The following PLXDC2 variants were observed in gnomAD, a reference collection of about 807,000 sequenced individuals.
PLXDC2 encodes plexin domain-containing protein 2.
Under a neutral mutation model 68.9 loss-of-function variants are expected in PLXDC2, and 40 were observed. The observed-to-expected ratio is 0.58, with a 90% CI of 0.45 to 0.76. The LOEUF (loss-of-function observed/expected upper bound fraction) is 0.76. PLXDC2 is among the 30% of genes least tolerant of loss of function. The pLI is 0.00. For missense variants in PLXDC2, 644 were observed against 661.9 expected, an observed-to-expected ratio of 0.97 and a Z score of 0.30; for synonymous variants, 243 against 234.2, an observed-to-expected ratio of 1.04 and a Z score of -0.34.
chr10:19,937,606 G>C (rs765117870), intron 1 of PLXDC2, among the ~76,000 whole-genome samples: 1 of 142,526 alleles, frequency 7.0e-6, no homozygotes, highest in Non-Finnish European at 1.5e-5. Flanking sequence ...TGAGGACAGA[G>C]GCTGTATTTT....
At chr10:20,193,997 T>C (rs1232541761) in intron 9 of PLXDC2, among the ~76,000 whole-genome samples, 1 of 152,032 alleles carries the variant, frequency 6.6e-6, no homozygotes, top group Non-Finnish European at 1.5e-5. Context: ...GTTGGCAATC[T>C]ACTTAAGGAC....
chr10:20,146,000 G>C (rs7478383), intron 5 of PLXDC2, among the ~76,000 whole-genome samples: 139,501 of 152,206 alleles, frequency 0.92, 64,043 homozygotes, highest in Non-Finnish European at 0.94. Flanking sequence ...ATGCAGGAAT[G>C]TCTTGAAGGC....
intron 1 of PLXDC2, among the ~76,000 whole-genome samples, chr10:19,885,705 T>G (rs1428645203): frequency 2.6e-5 from 4 of 151,998 alleles, no homozygotes; most frequent in Non-Finnish European, 5.9e-5. Flanking sequence ...TCTGTTCCAT[T>G]GATCTATATC....
intron 1 of PLXDC2, among the ~76,000 whole-genome samples, chr10:19,819,940 T>C (rs78334957): frequency 0.12 from 18,413 of 152,244 alleles, 1,308 homozygotes; most frequent in Non-Finnish European, 0.15. Context: ...AAAATGGACA[T>C]CTGTCATATT....
chr10:20,248,794 ATTG>A (rs767770258), intron 13 of PLXDC2, among the ~76,000 whole-genome samples: 2 of 152,204 alleles, frequency 1.3e-5, no homozygotes, highest in Non-Finnish European at 2.9e-5. Context: ...CTACATTAGA[ATTG>A]TTGTTGCATA....
At chr10:20,144,589 A>AT (rs1834048771) in intron 5 of PLXDC2, among the ~76,000 whole-genome samples, 1 of 152,118 alleles carries the variant, frequency 6.6e-6, no homozygotes, top group Non-Finnish European at 1.5e-5. Flanking sequence ...CTTCTCTTCC[A>AT]TTTTTTAAAA....
In PLXDC2 at chr10:19,834,128, G is replaced by T. The variant is rs147599764; in HGVS notation, c.112+16937G>T. Among the ~76,000 whole-genome samples the T allele has an allele frequency of 2.9e-3, 448 of 152,164 alleles. 11 individuals carry two copies. The East Asian group carries it at 0.057, about 19-fold the overall frequency. On this transcript the variant is annotated intron_variant, in intron 1 of 13. Coordinates refer to ENST00000377252, the MANE Select transcript of PLXDC2 (RefSeq NM_032812.9). ...TTAACTTACAGAGTCATTTATTTGGGTTTAGTTAATATATCTTGGAAAATG... is the reference window on the plus strand; with the variant it reads ...TTAACTTACAGAGTCATTTATTTGGTTTTAGTTAATATATCTTGGAAAATG...
At chr10:19,856,856 C>T (rs1187172579) in intron 1 of PLXDC2, among the ~76,000 whole-genome samples, 3 of 152,176 alleles carry the variant, frequency 2.0e-5, no homozygotes, top group Non-Finnish European at 2.9e-5. Context: ...GAAGATACAT[C>T]ATACCGTGGT....
intron 1 of PLXDC2, among the ~76,000 whole-genome samples, chr10:19,846,437 T>C (rs1837011659): frequency 6.6e-6 from 1 of 152,178 alleles, no homozygotes; most frequent in African/African-American, 2.4e-5. Context: ...TATGAATGAA[T>C]GACCCTTTGG....
intron 12 of PLXDC2, among the ~76,000 whole-genome samples, chr10:20,221,889 C>T (rs538907832): frequency 3.3e-5 from 5 of 152,116 alleles, no homozygotes; most frequent in Non-Finnish European, 7.4e-5. Flanking sequence ...AGAATTTCAG[C>T]ACATTTGATT....
intron 1 of PLXDC2, among the ~76,000 whole-genome samples, chr10:19,904,040 G>A (rs1400749118): frequency 2.0e-5 from 3 of 152,032 alleles, no homozygotes; most frequent in Non-Finnish European, 2.9e-5. Context: ...ACTACGATCT[G>A]GGAGAGTACC....
chr10:19,821,667 TG>T (rs1836469572), intron 1 of PLXDC2, among the ~76,000 whole-genome samples: 1 of 152,240 alleles, frequency 6.6e-6, no homozygotes, highest in African/African-American at 2.4e-5. Flanking sequence ...AATGCCACGT[TG>T]GGAGACTTTT....
At chr10:19,854,132 T>C (rs1388890307) in intron 1 of PLXDC2, among the ~76,000 whole-genome samples, 1 of 152,162 alleles carries the variant, frequency 6.6e-6, no homozygotes, top group African/African-American at 2.4e-5. Flanking sequence ...TTACATGTGC[T>C]ATCAGACTGG....
At chr10:20,046,359 G>A (rs1835799589) in intron 2 of PLXDC2, among the ~76,000 whole-genome samples, 2 of 151,746 alleles carry the variant, frequency 1.3e-5, no homozygotes, top group Non-Finnish European at 2.9e-5. Flanking sequence ...AAACTTAGAA[G>A]GAAATATATA....
Position 19,920,440 on chromosome 10 carries a change from T to C in PLXDC2, c.113-81335T>C, listed in dbSNP as rs1735798756. Among the ~76,000 whole-genome samples the C allele has an allele frequency of 2.0e-5, 3 of 152,196 alleles. No individual in the cohort carries two copies. In the South Asian group the frequency reaches 6.2e-4, roughly 31 times the overall value. ...ATGGCTGGACATCCAGAGGAGCATGTGTTCCTCCACTGAGGATGGATGGTG... is the reference window on the plus strand; with the variant it reads ...ATGGCTGGACATCCAGAGGAGCATGCGTTCCTCCACTGAGGATGGATGGTG... On this transcript the variant is annotated intron_variant, in intron 1 of 13. Transcript: ENST00000377252.
chr10:19,861,334 G>A (rs4748616), intron 1 of PLXDC2, among the ~76,000 whole-genome samples: 1 of 151,868 alleles, frequency 6.6e-6, no homozygotes. Context: ...CGAGCCCAGC[G>A]TGCTGGATAC....
intron 4 of PLXDC2, among the ~76,000 whole-genome samples, chr10:20,108,819 A>C (rs1034706194): frequency 1.3e-5 from 2 of 152,204 alleles, no homozygotes; most frequent in African/African-American, 4.8e-5. Context: ...TATTCAATGA[A>C]TATCAAGTTT....
intron 7 of PLXDC2, among the ~76,000 whole-genome samples, chr10:20,171,525 A>T (rs1834446256): frequency 6.6e-6 from 1 of 152,308 alleles, no homozygotes; most frequent in African/African-American, 2.4e-5. Context: ...GAAAGAGAGC[A>T]TTGTACAAAA....
chr10:19,926,045 T>C (rs1272265533), intron 1 of PLXDC2, among the ~76,000 whole-genome samples: 1 of 152,202 alleles, frequency 6.6e-6, no homozygotes, highest in Non-Finnish European at 1.5e-5. Flanking sequence ...CATTTTTCTT[T>C]ATTTTTTAAA....
Sources: allele counts gnomAD v4.1 joint callset (sites outside exome capture counted in the v4.1 genomes callset), GRCh38; gene constraint gnomAD v4.1.1; transcripts MANE v1.5; gene names NCBI Gene and HGNC (gene_info 2026-07-23, HGNC 2026-07-21).